The following MYLK4 variants were observed in gnomAD, a reference collection of about 807,000 sequenced individuals.
MYLK4 encodes the protein myosin light chain kinase family member 4.
A neutral mutation model predicts 48.1 loss-of-function variants in MYLK4; 46 were observed. The observed-to-expected ratio is 0.96, with a 90% CI of 0.75 to 1.22. The LOEUF is 1.22. MYLK4 is among the 50% of genes most tolerant of loss of function. The pLI, the probability that MYLK4 is intolerant of heterozygous loss-of-function variation, is 0.00. For missense variants in MYLK4, 451 were observed against 486.1 expected, an observed-to-expected ratio of 0.93 and a Z score of 0.68; for synonymous variants, 170 against 180.8, an observed-to-expected ratio of 0.94 and a Z score of 0.48.
chr6:2,750,125 G>A (rs947196163), intron 1 of MYLK4, among the ~76,000 whole-genome samples: 78 of 152,200 alleles, frequency 5.1e-4, no homozygotes, highest in African/African-American at 1.9e-3. Flanking sequence ...GCAGGGAGAG[G>A]GAGAGACATT....
At chr6:2,686,506 G>A (rs1483652795) in intron 4 of MYLK4, among the ~76,000 whole-genome samples, 1 of 152,180 alleles carries the variant, frequency 6.6e-6, no homozygotes, top group Non-Finnish European at 1.5e-5. Context: ...TGCTTAGTTT[G>A]ATTTCTTATT....
rs576966321 is a variant in MYLK4 at position 2,724,812 on chromosome 6, T to C, written c.159+24324A>G. 8.5e-5 allele frequency among the ~76,000 whole-genome samples: 13 copies of C among 152,304 alleles called. No homozygotes were observed. In the South Asian group the frequency reaches 2.7e-3, roughly 32 times the overall value. On this transcript the variant is annotated intron_variant, in intron 2 of 12. Transcript: ENST00000274643. ...ATCATGTGACAGGGAGACCTCGTAT[T>C]CTATTAATTCAAGAAGCACAATTTT...
chr6:2,723,526 C>A (rs956369304), intron 2 of MYLK4, among the ~76,000 whole-genome samples: 5 of 152,252 alleles, frequency 3.3e-5, no homozygotes, highest in Non-Finnish European at 7.3e-5. Context: ...ACTGAGTTAG[C>A]TTGAGGTTCT....
chr6:2,698,112 C>T (rs946730771), intron 2 of MYLK4, among the ~76,000 whole-genome samples: 28 of 152,212 alleles, frequency 1.8e-4, no homozygotes, highest in Admixed American at 6.5e-5. Flanking sequence ...GTGTTCATAA[C>T]ATAACATATA....
the MYLK4 span, among the ~76,000 whole-genome samples, chr6:2,767,233 A>G: frequency 2.8e-4 from 42 of 152,342 alleles, no homozygotes; most frequent in African/African-American, 1.0e-3. Flanking sequence ...TGAGAAAAAA[A>G]TGGAGGAGGT....
At chr6:2,768,676 T>C in the MYLK4 span, 1 of 1,585,934 alleles carries the variant, frequency 6.3e-7, no homozygotes, top group Non-Finnish European at 8.6e-7. Context: ...ACTCCATGTA[T>C]GTCATCTTTT....
intron 9 of MYLK4, among the ~76,000 whole-genome samples, chr6:2,678,714 T>TTC (rs1761180200): frequency 6.7e-6 from 1 of 150,000 alleles, no homozygotes; most frequent in Non-Finnish European, 1.5e-5. Context: ...GAGATCAGTT[T>TTC]TTTTTTTTTT....
chr6:2,765,770 C>T, the MYLK4 span: 3 of 1,465,272 alleles, frequency 2.0e-6, no homozygotes, highest in African/African-American at 1.5e-5. Context: ...GCACGCGGAG[C>T]CCGCGGCCGG....
chr6:2,767,053 C>T, the MYLK4 span, among the ~76,000 whole-genome samples: 1 of 152,188 alleles, frequency 6.6e-6, no homozygotes, highest in African/African-American at 2.4e-5. Flanking sequence ...ATCTGCAAGT[C>T]ATTTTCATCC....
At chr6:2,678,410 C>T (rs1488940119) in intron 9 of MYLK4, 38 bp from the exon 10 acceptor site, 1 of 1,606,550 alleles carries the variant, frequency 6.2e-7, no homozygotes, top group Non-Finnish European at 8.5e-7. Flanking sequence ...ATTTTTTAAA[C>T]AGCCTCAACC....
chr6:2,752,913 G>A (rs1229952065), upstream of MYLK4, among the ~76,000 whole-genome samples: 3 of 152,148 alleles, frequency 2.0e-5, no homozygotes, highest in Non-Finnish European at 4.4e-5. Context: ...TACAGGACAA[G>A]CACACTGCTG....
chr6:2,765,928 C>A, the MYLK4 span: 1 of 1,450,768 alleles, frequency 6.9e-7, no homozygotes, highest in East Asian at 3.0e-5. Context: ...GCGACGACGG[C>A]GGCGAGACCG....
rs746598463 is a variant in MYLK4, at chr6:2,678,202, AG to A, written c.1040+17del. On this transcript the variant is annotated intron_variant, in intron 10 of 12. Transcript: ENST00000274643. ...ATCATCCCTACTGCGCCCGGAGCAC[AG>A]GACGAACTTGCGTTACCTCTTCTCC... 3 of 1,612,318 alleles carry A rather than the reference AG, an allele frequency of 1.9e-6. No homozygotes were observed. The South Asian group carries it at 3.3e-5, about 18-fold the overall frequency.
chr6:2,686,589 T>A (rs1041484358), intron 4 of MYLK4, among the ~76,000 whole-genome samples: 17 of 152,172 alleles, frequency 1.1e-4, no homozygotes, highest in African/African-American at 3.9e-4. Flanking sequence ...AGGAACAGCT[T>A]CCCTAGCAAC....
intron 2 of MYLK4, among the ~76,000 whole-genome samples, chr6:2,711,086 A>G (rs973601992): frequency 2.6e-5 from 4 of 152,180 alleles, no homozygotes; most frequent in Non-Finnish European, 5.9e-5. Flanking sequence ...AGCTGTGTAC[A>G]TGAGACCAGG....
At chr6:2,759,192 T>C in the MYLK4 span, among the ~76,000 whole-genome samples, 24 of 152,348 alleles carry the variant, frequency 1.6e-4, 1 homozygote, top group African/African-American at 5.1e-4. Flanking sequence ...TATAGCTCAC[T>C]GTGGCCTTGA....
chr6:2,677,801 G>A (rs895208056), intron 10 of MYLK4, among the ~76,000 whole-genome samples: 2 of 152,186 alleles, frequency 1.3e-5, no homozygotes, highest in Admixed American at 1.3e-4. Context: ...GTAGTTAAAA[G>A]AGATAATGTC....
chr6:2,751,008 A>G (rs968412999), upstream of MYLK4: 2 of 152,626 alleles, frequency 1.3e-5, no homozygotes, highest in Admixed American at 1.3e-4. Flanking sequence ...GATGGGGAAG[A>G]ATATTAATTT....
intron 6 of MYLK4, among the ~76,000 whole-genome samples, chr6:2,684,674 T>A (rs1421573687): frequency 6.6e-6 from 1 of 152,156 alleles, no homozygotes. Context: ...AACAACTGTA[T>A]ATGTGGCATT....
Sources: allele counts gnomAD v4.1 joint callset (sites outside exome capture counted in the v4.1 genomes callset), GRCh38; gene constraint gnomAD v4.1.1; transcripts MANE v1.5; gene names NCBI Gene and HGNC (gene_info 2026-07-23, HGNC 2026-07-21).